The following MAP3K9 variants were observed in gnomAD, a reference collection of about 807,000 sequenced individuals.
MAP3K9 encodes mixed lineage kinase 1 (tyr and ser/thr specificity).
A neutral mutation model predicts 95.8 loss-of-function variants in MAP3K9; 46 were observed. That is an observed-to-expected ratio of 0.48 (90% CI 0.38 to 0.61). The LOEUF (loss-of-function observed/expected upper bound fraction) is 0.61. Ranked by LOEUF, MAP3K9 falls within the 20% of genes least tolerant of loss-of-function variation. MAP3K9 has a pLI of 0.00. For missense variants in MAP3K9, 1,296 were observed against 1,474.3 expected (o/e 0.88, Z 1.98); for synonymous variants, 533 against 593.8 (o/e 0.90, Z 1.49).
chr14:70,755,667 C>A (rs192220028), intron 3 of MAP3K9, among the ~76,000 whole-genome samples: 66 of 152,238 alleles, frequency 4.3e-4, no homozygotes, highest in African/African-American at 1.4e-3. Context: ...AGGTGAGAGA[C>A]CATTTGGAGC....
At chr14:70,793,634 A>G (rs1352366290) in intron 2 of MAP3K9, among the ~76,000 whole-genome samples, 1 of 151,902 alleles carries the variant, frequency 6.6e-6, no homozygotes, top group South Asian at 2.1e-4. Flanking sequence ...TCACGTAAGT[A>G]AACCAGTTCA....
chr14:70,773,513 C>A (rs142648723), intron 2 of MAP3K9, among the ~76,000 whole-genome samples: 1 of 152,314 alleles, frequency 6.6e-6, no homozygotes, highest in Non-Finnish European at 1.5e-5. Context: ...CCCACAATTG[C>A]AAGATGGGCA....
rs181210106 is a variant in MAP3K9, at chr14:70,726,223, T to C, written c.*4157A>G. 5.0e-4 allele frequency: 76 copies of C among 152,418 alleles called. No individual in the cohort carries two copies. The highest frequency in any genetic ancestry group is 1.8e-3 in the African/African-American group (74 of 41,580). 9.4% of individuals were successfully genotyped at this position (152,418 alleles called of 1,614,324 possible). On this transcript the variant is annotated 3_prime_UTR_variant, in exon 12 of 12. Transcript: ENST00000554752. ...AAGGAGGAGGGAGGGAGGTCTCCAA[T>C]GTGGGGACCACAGAGGCAAGAGAGT...
At chr14:70,748,782 T>TTTTTTC in intron 5 of MAP3K9, 47 bp downstream of exon 5, 1 of 1,531,588 alleles carries the variant, frequency 6.5e-7, no homozygotes, top group South Asian at 1.2e-5. Flanking sequence ...AATGCATGCC[T>TTTTTTC]TTTTTCTTTT....
chr14:70,750,967 G>C (rs1293363029), intron 3 of MAP3K9, among the ~76,000 whole-genome samples: 1 of 152,160 alleles, frequency 6.6e-6, no homozygotes, highest in East Asian at 1.9e-4. Context: ...ACTCAAAGCA[G>C]ATTTTGTTCC....
chr14:70,744,074 C>A (rs2054113512), intron 5 of MAP3K9, among the ~76,000 whole-genome samples: 1 of 152,104 alleles, frequency 6.6e-6, no homozygotes, highest in African/African-American at 2.4e-5. Context: ...AAGCTGGAGA[C>A]CATCATTCTC....
intron 5 of MAP3K9, among the ~76,000 whole-genome samples, chr14:70,745,895 A>T (rs1288273116): frequency 6.6e-6 from 1 of 152,172 alleles, no homozygotes; most frequent in Non-Finnish European, 1.5e-5. Context: ...CAATATTGTG[A>T]ATGCAATCCT....
At chr14:70,742,890 T>G (rs185101490) in intron 5 of MAP3K9, among the ~76,000 whole-genome samples, 4 of 125,690 alleles carry the variant, frequency 3.2e-5, no homozygotes, top group Non-Finnish European at 6.4e-5. Flanking sequence ...TTCATTAAAA[T>G]TGCCTGTGAT....
intron 3 of MAP3K9, among the ~76,000 whole-genome samples, chr14:70,755,428 G>A (rs752677358): frequency 2.0e-5 from 3 of 152,252 alleles, no homozygotes; most frequent in Non-Finnish European, 4.4e-5. Flanking sequence ...CTTTATGTCT[G>A]CCACCTGGGT....
At chr14:70,740,988 C>A (rs1444994140) in intron 6 of MAP3K9, among the ~76,000 whole-genome samples, 2 of 152,212 alleles carry the variant, frequency 1.3e-5, no homozygotes, top group African/African-American at 4.8e-5. Flanking sequence ...CATATTCACT[C>A]AACTGCATGG....
chr14:70,736,163 A>G, intron 8 of MAP3K9, 134 bp from the exon 9 acceptor site: 1 of 698,066 alleles, frequency 1.4e-6, no homozygotes, highest in Non-Finnish European at 2.6e-6. Flanking sequence ...CACAAAGCCC[A>G]CACCATGAAA....
Position 70,809,321 on chromosome 14 carries a change from G to A in MAP3K9, c.-150C>T, listed in dbSNP as rs1248085125. ...CGGGCTGGCAGGGCTGGGAGAGCCGGCTCGCCGGCGCTGTTACCGCGGTAC... is the reference window on the plus strand; with the variant it reads ...CGGGCTGGCAGGGCTGGGAGAGCCGACTCGCCGGCGCTGTTACCGCGGTAC... On this transcript the variant is annotated 5_prime_UTR_variant, in exon 1 of 12. Transcript: ENST00000554752. 2.9e-5 allele frequency: 29 copies of A among 1,001,268 alleles called. No homozygotes were observed. Among genetic ancestry groups the A allele is most frequent in the Non-Finnish European group, 3.7e-5 (29 of 777,162 alleles). 62.0% of individuals were successfully genotyped at this position (1,001,268 alleles called of 1,614,324 possible).
chr14:70,764,447 G>C (rs2054421082), intron 2 of MAP3K9, among the ~76,000 whole-genome samples: 1 of 132,186 alleles, frequency 7.6e-6, no homozygotes. Flanking sequence ...AAAAATGTAT[G>C]TTAAAAAAAA....
At position 70,730,554 on chromosome 14, in the gene MAP3K9, A is replaced by C. The variant is rs765615479; in HGVS notation, c.3141T>G (p.Pro1047=). Residue 1047 remains proline, a synonymous_variant, in exon 12 of 12, where the codon CCT becomes CCG. Transcript: ENST00000554752. The part of the protein sequence containing the change: ...ASSSSTVEER[P]GLPALLPFQA... ...GGAACGGGAGCAGGGCTGGAAGTCCAGGCCGCTCCTCTACAGTGCTGCTAC... is the reference window on the plus strand; with the variant it reads ...GGAACGGGAGCAGGGCTGGAAGTCCCGGCCGCTCCTCTACAGTGCTGCTAC... 6.2e-7 allele frequency: 1 copy of C among 1,613,988 alleles called. No homozygotes were observed. The highest frequency in any genetic ancestry group is 2.2e-5 in the East Asian group (1 of 44,882).
intron 2 of MAP3K9, among the ~76,000 whole-genome samples, chr14:70,791,683 C>T (rs533669130): frequency 1.3e-5 from 2 of 152,328 alleles, no homozygotes; most frequent in East Asian, 3.9e-4. Context: ...CAGATCACGT[C>T]GGAAACAAAA....
chr14:70,808,619 C>G lies in MAP3K9; in HGVS notation c.406+147G>C, dbSNP rs1223798507. 5.3e-6 allele frequency: 3 copies of G among 561,506 alleles called. No homozygotes were observed. In the African/African-American group the frequency reaches 6.0e-5, roughly 11 times the overall value. 34.8% of individuals were successfully genotyped at this position (561,506 alleles called of 1,614,324 possible). On this transcript the variant is annotated intron_variant, in intron 1 of 11. Transcript: ENST00000554752. ...TATCCAGCAAGCAAAGCCCGGGCAG[C>G]CTAAGCGCGCGCCACCCACACCCAG...
At chr14:70,803,337 T>C (rs77859663) in intron 1 of MAP3K9, among the ~76,000 whole-genome samples, 2,834 of 75,246 alleles carry the variant, frequency 0.038, 161 homozygotes, top group East Asian at 0.063. Context: ...ATTCAGATCT[T>C]AAAAAAAAAA....
rs111767191 is a variant in MAP3K9, at chr14:70,754,609, C to CT, written c.1002-4529dup. On this transcript the variant is annotated intron_variant, in intron 3 of 11. Transcript: ENST00000554752. ...GCCTCAGCCTCAGGAGTAGCTGGGACTACAGGCACCCAGCACCATGCCCGG... is the reference window on the plus strand; with the variant it reads ...GCCTCAGCCTCAGGAGTAGCTGGGACTTACAGGCACCCAGCACCATGCCCGG... Among the ~76,000 whole-genome samples the CT allele has an allele frequency of 8.3e-3, 1,265 of 152,158 alleles. 16 individuals carry two copies. Among genetic ancestry groups the CT allele is most frequent in the African/African-American group, 0.028 (1,162 of 41,508 alleles).
intron 6 of MAP3K9, among the ~76,000 whole-genome samples, chr14:70,741,870 C>T (rs554213345): frequency 2.6e-4 from 40 of 152,236 alleles, no homozygotes; most frequent in African/African-American, 2.9e-4. Flanking sequence ...TCACTTGAAC[C>T]GGGGAGGTGG....
Sources: gnomAD v4.1 joint callset for allele counts (sites outside exome capture counted in the v4.1 genomes callset) on GRCh38, gnomAD v4.1.1 for gene constraint, MANE v1.5 for transcripts, NCBI Gene and HGNC (gene_info 2026-07-23, HGNC 2026-07-21) for gene names.